The following CASZ1 variants were observed in gnomAD, a reference collection of about 807,000 sequenced individuals.
CASZ1 encodes the protein castor zinc finger 1.
CASZ1 carries 28 observed loss-of-function variants against 135.2 expected under a neutral mutation model. That is an observed-to-expected ratio of 0.21 (90% CI 0.15 to 0.28). CASZ1 has a LOEUF of 0.28. Among genes scored for constraint, CASZ1 ranks in the 10% least tolerant of loss-of-function variants. The pLI is 1.00. For synonymous variants in CASZ1, 1,068 were observed against 1,073.4 expected (o/e 0.99, Z 0.10); for missense variants, 2,161 against 2,453.3 (o/e 0.88, Z 2.52).
intron 4 of CASZ1, among the ~76,000 whole-genome samples, chr1:10,668,763 C>A (rs1643314831): frequency 6.6e-6 from 1 of 152,266 alleles, no homozygotes; most frequent in Non-Finnish European, 1.5e-5. Context: ...AGAAAGGCGG[C>A]CAGGCTGTTA....
In CASZ1 at chr1:10,700,317, T is replaced by C. The variant is rs1639036262; in HGVS notation, c.-24+5175A>G. 6.6e-6 allele frequency among the ~76,000 whole-genome samples: 1 copy of C among 152,256 alleles called. No individual in the cohort carries two copies. The highest frequency in any genetic ancestry group is 6.5e-5 in the Admixed American group (1 of 15,292). ...GTTTCTCTGGCTACTTCAGTTACCCTGTTGCTGCTGGTTCCTGCTCCAAGC... is the reference window on the plus strand; with the variant it reads ...GTTTCTCTGGCTACTTCAGTTACCCCGTTGCTGCTGGTTCCTGCTCCAAGC... On this transcript the variant is annotated intron_variant, in intron 3 of 20. Coordinates refer to ENST00000377022, the MANE Select transcript of CASZ1 (RefSeq NM_001079843.3). The surrounding 1 kb of genome is among the most constrained non-coding windows in gnomAD (Gnocchi z 4.2).
chr1:10,737,812 C>T (rs1038475805), intron 2 of CASZ1, among the ~76,000 whole-genome samples: 1 of 152,214 alleles, frequency 6.6e-6, no homozygotes, highest in African/African-American at 2.4e-5. Flanking sequence ...TGTGGATCAG[C>T]CCGGAGGCCC....
rs201406555 is a variant in CASZ1, at chr1:10,792,319, T to TCCCCCACCCCCC, written c.-234+4244_-234+4245insGGGGGGTGGGGG. 1.2e-4 allele frequency among the ~76,000 whole-genome samples: 2 copies of TCCCCCACCCCCC among 16,930 alleles called. 1 individual carries two copies. The highest frequency in any genetic ancestry group is 1.8e-4 in the Non-Finnish European group (2 of 11,220). 11.1% of individuals were successfully genotyped at this position (16,930 alleles called of 152,430 possible). On this transcript the variant is annotated intron_variant, in intron 1 of 20. Coordinates refer to ENST00000377022, the MANE Select transcript of CASZ1 (RefSeq NM_001079843.3). Reference sequence around the variant, plus strand: ...AAATGCTCTGTACATGGCTTACCCCTCCCCCCCGCCCCCCCCCCCCCGGCC... The same window carrying TCCCCCACCCCCC: ...AAATGCTCTGTACATGGCTTACCCCTCCCCCACCCCCCCCCCCCCGCCCCCCCCCCCCCGGCC...
In CASZ1 at chr1:10,646,440, A is replaced by AG. The variant is rs2124672244; in HGVS notation, c.3498-115dup. ...CCCCACGACCAGCGGTACCACCAAG[A>AG]GGGATGGCCTGGGCTGCTGTCCTGC... is the stretch of plus-strand genomic sequence containing the variant. On this transcript the variant is annotated intron_variant, in intron 16 of 20. Transcript: ENST00000377022. This position sits in a 1 kb window ranked among gnomAD's most constrained non-coding sequence, Gnocchi z 6.4. 2.1e-6 allele frequency: 2 copies of AG among 967,976 alleles called. No homozygotes were observed. The highest frequency in any genetic ancestry group is 5.2e-5 in the East Asian group (2 of 38,412). The allele number at this position is 967,976 out of a possible 1,614,324, so 60.0% of individuals were successfully genotyped here. A position where few individuals can be genotyped will look rare whatever the true frequency, so the allele number is the denominator to read the frequency against.
rs1640904137 is a variant in CASZ1 at position 10,788,839 on chromosome 1, A to G, written c.-234+7725T>C. Among the ~76,000 whole-genome samples, 1 of 152,192 alleles carries G rather than the reference A, an allele frequency of 6.6e-6. No individual in the cohort carries two copies. Among genetic ancestry groups the G allele is most frequent in the African/African-American group, 2.4e-5 (1 of 41,454 alleles). On this transcript the variant is annotated intron_variant, in intron 1 of 20. Transcript: ENST00000377022. The surrounding 1 kb of genome is among the most constrained non-coding windows in gnomAD (Gnocchi z 4.1). ...TGCCAGGGCTTCCTGCCCAGCCAGCAGAGGCATCGCACAGAGGAGCCCACC... is the reference window on the plus strand; with the variant it reads ...TGCCAGGGCTTCCTGCCCAGCCAGCGGAGGCATCGCACAGAGGAGCCCACC...
At chr1:10,792,204 G>T (rs1412587244) in intron 1 of CASZ1, among the ~76,000 whole-genome samples, 1 of 141,842 alleles carries the variant, frequency 7.1e-6, no homozygotes, top group Non-Finnish European at 1.5e-5. Context: ...ATTTCCTATA[G>T]CAGGGGTGGA....
Position 10,774,133 on chromosome 1 carries a change from C to T in CASZ1, c.-233-13276G>A, listed in dbSNP as rs1640621626. 6.6e-6 allele frequency among the ~76,000 whole-genome samples: 1 copy of T among 152,146 alleles called. No homozygotes were observed. Among genetic ancestry groups the T allele is most frequent in the Admixed American group, 6.5e-5 (1 of 15,284 alleles). On this transcript the variant is annotated intron_variant, in intron 1 of 20. Transcript: ENST00000377022. This position sits in a 1 kb window ranked among gnomAD's most constrained non-coding sequence, Gnocchi z 4.4. Reference sequence around the variant, plus strand: ...GGCCCACAAGGGGCACTGCACTAATCCTCTTTTCCCATTTCCGTCTGCTTG... The same window carrying T: ...GGCCCACAAGGGGCACTGCACTAATTCTCTTTTCCCATTTCCGTCTGCTTG...
In CASZ1 at chr1:10,788,162, G is replaced by A. The variant is rs1420933929; in HGVS notation, c.-234+8402C>T. On this transcript the variant is annotated intron_variant, in intron 1 of 20. Transcript: ENST00000377022. The surrounding 1 kb of genome is among the most constrained non-coding windows in gnomAD (Gnocchi z 4.1). The stretch of plus-strand genomic sequence containing the variant: ...CCAAGAGCTCTGCCATTAAGGGGAT[G>A]TATCCATTACTGTGGATAGGGGAAC... Among the ~76,000 whole-genome samples the A allele has an allele frequency of 2.0e-5, 3 of 152,196 alleles. No homozygotes were observed. Among genetic ancestry groups the A allele is most frequent in the African/African-American group, 7.2e-5 (3 of 41,462 alleles).
Position 10,647,981 on chromosome 1 carries a change from C to T in CASZ1, c.3317G>A (p.Ser1106Asn). The change falls in exon 16 of 21, where the codon AGC becomes AAC. Residue 1106 changes from serine to asparagine, a missense_variant. Transcript: ENST00000377022. The surrounding 1 kb of genome is among the most constrained non-coding windows in gnomAD (Gnocchi z 4.9). ...TVSSLEGPAPSPASVPSTPTL... is the reference protein window; with the variant it reads ...TVSSLEGPAPNPASVPSTPTL... ...GGGGGTGGAGGGCACGGAGGCCGGG[C>T]TGGGAGCGGGCCCCTCCAGAGAGGA... is the stretch of plus-strand genomic sequence containing the variant. 1 of 1,606,488 alleles carries T rather than the reference C, an allele frequency of 6.2e-7. No homozygotes were observed. Among genetic ancestry groups the T allele is most frequent in the Admixed American group, 1.7e-5 (1 of 59,554 alleles).
intron 5 of CASZ1, among the ~76,000 whole-genome samples, chr1:10,663,038 G>A (rs1018941869): frequency 1.3e-5 from 2 of 152,196 alleles, no homozygotes; most frequent in Non-Finnish European, 2.9e-5. Context: ...CTGCATCAGG[G>A]TTAGGTGCAC....
rs1369242231 is a variant in CASZ1, at chr1:10,701,680, T to C, written c.-24+3812A>G. On this transcript the variant is annotated intron_variant, in intron 3 of 20. Transcript: ENST00000377022. This position sits in a 1 kb window ranked among gnomAD's most constrained non-coding sequence, Gnocchi z 6.3. Reference sequence around the variant, plus strand: ...ATGTATTCAACCTGACATCCCATCTTGTCGTGAATGAAGACTCGGCCGATC... The same window carrying C: ...ATGTATTCAACCTGACATCCCATCTCGTCGTGAATGAAGACTCGGCCGATC... Among the ~76,000 whole-genome samples, 2 of 152,214 alleles carry C rather than the reference T, an allele frequency of 1.3e-5. No individual in the cohort carries two copies. The highest frequency in any genetic ancestry group is 2.9e-5 in the Non-Finnish European group (2 of 68,024).
intron 2 of CASZ1, among the ~76,000 whole-genome samples, chr1:10,754,720 G>A (rs372372151): frequency 2.6e-5 from 4 of 151,580 alleles, no homozygotes; most frequent in Non-Finnish European, 4.4e-5. Context: ...AGAGCAGCAC[G>A]GCGTGGGACT....
chr1:10,729,242 G>A (rs1639654099), intron 2 of CASZ1, among the ~76,000 whole-genome samples: 1 of 152,208 alleles, frequency 6.6e-6, no homozygotes, highest in African/African-American at 2.4e-5. Context: ...ACAGGCCTGC[G>A]CTGGCGCTAA....
Position 10,759,173 on chromosome 1 carries a change from T to G in CASZ1, c.-77+1528A>C, listed in dbSNP as rs538816656. ...TCTGCAGGCACTCACAGCCTCTTCATGGGCAGGGCACAGGGCAGGGCTGGG... is the reference window on the plus strand; with the variant it reads ...TCTGCAGGCACTCACAGCCTCTTCAGGGGCAGGGCACAGGGCAGGGCTGGG... On this transcript the variant is annotated intron_variant, in intron 2 of 20. Coordinates refer to ENST00000377022, the MANE Select transcript of CASZ1 (RefSeq NM_001079843.3). This position sits in a 1 kb window ranked among gnomAD's most constrained non-coding sequence, Gnocchi z 4.2. Among the ~76,000 whole-genome samples, 3 of 152,146 alleles carry G rather than the reference T, an allele frequency of 2.0e-5. No individual in the cohort carries two copies. The highest frequency in any genetic ancestry group is 4.8e-5 in the African/African-American group (2 of 41,434).
Position 10,647,424 on chromosome 1 carries a change from T to A in CASZ1, c.3497+377A>T, listed in dbSNP as rs1402506663. The A allele has an allele frequency of 2.7e-6, 3 of 1,128,350 alleles. No individual in the cohort carries two copies. In the African/African-American group the frequency reaches 4.9e-5, roughly 19 times the overall value. 69.9% of individuals were successfully genotyped at this position (1,128,350 alleles called of 1,614,324 possible). On this transcript the variant is annotated intron_variant, in intron 16 of 20. Transcript: ENST00000377022. This position sits in a 1 kb window ranked among gnomAD's most constrained non-coding sequence, Gnocchi z 4.9. ...TGCCCTGCAGAGATTCAGCCATGGG[T>A]GTGAGCCACAGAGGAGGCCAATACG... is the stretch of plus-strand genomic sequence containing the variant.
rs1557517583 is a variant in CASZ1 at position 10,700,070 on chromosome 1, G to GAT, written c.-24+5421_-24+5422insAT. Among the ~76,000 whole-genome samples the GAT allele has an allele frequency of 4.6e-5, 4 of 87,450 alleles. No individual in the cohort carries two copies. The East Asian group carries it at 8.6e-4, about 19-fold the overall frequency. The allele number at this position is 87,450 out of a possible 152,430, so 57.4% of individuals were successfully genotyped here. ...AGAGAAAGAGAGACAGAGAGAGAAAGAGAGATAGAGACACACACACACACA... is the reference window on the plus strand; with the variant it reads ...AGAGAAAGAGAGACAGAGAGAGAAAGATAGAGATAGAGACACACACACACACA... On this transcript the variant is annotated intron_variant, in intron 3 of 20. Coordinates refer to ENST00000377022, the MANE Select transcript of CASZ1 (RefSeq NM_001079843.3). The surrounding 1 kb of genome is among the most constrained non-coding windows in gnomAD (Gnocchi z 4.2).
intron 4 of CASZ1, among the ~76,000 whole-genome samples, chr1:10,687,144 C>T (rs541014115): frequency 1.3e-5 from 2 of 152,294 alleles, no homozygotes; most frequent in South Asian, 2.1e-4. Flanking sequence ...AAGCTCTGCC[C>T]GGCTCCTCCA....
chr1:10,765,226 TG>T (rs1248537279), intron 1 of CASZ1, among the ~76,000 whole-genome samples: 2 of 151,800 alleles, frequency 1.3e-5, no homozygotes, highest in South Asian at 2.1e-4. Flanking sequence ...GGGAAGACAC[TG>T]GGAAGTGGTA....
Position 10,694,584 on chromosome 1 carries a change from C to CCCGCCGCCGCCGCCGCCGCCGCCG in CASZ1, c.-23-696_-23-673dup, listed in dbSNP as rs1171158662. On this transcript the variant is annotated intron_variant, in intron 3 of 20. Transcript: ENST00000377022. This position sits in a 1 kb window ranked among gnomAD's most constrained non-coding sequence, Gnocchi z 6.6. ...GGCAGGTGAAAGAGCAGAGCGCGGCCCCGCCGCCGCCGCCGCCGCCGCCGC... is the reference window on the plus strand; with the variant it reads ...GGCAGGTGAAAGAGCAGAGCGCGGCCCCGCCGCCGCCGCCGCCGCCGCCGCCGCCGCCGCCGCCGCCGCCGCCGC... 3 of 137,422 alleles carry CCCGCCGCCGCCGCCGCCGCCGCCG rather than the reference C, an allele frequency of 2.2e-5. No homozygotes were observed. Among genetic ancestry groups the CCCGCCGCCGCCGCCGCCGCCGCCG allele is most frequent in the African/African-American group, 8.1e-5 (3 of 37,218 alleles). The allele number at this position is 137,422 out of a possible 1,614,324, so 8.5% of individuals were successfully genotyped here. A position where few individuals can be genotyped will look rare whatever the true frequency, so the allele number is the denominator to read the frequency against.
Sources: gnomAD v4.1 joint callset for allele counts (sites outside exome capture counted in the v4.1 genomes callset) on GRCh38, gnomAD v4.1.1 for gene constraint, Gnocchi (gnomAD v3.1) non-coding constraint, MANE v1.5 for transcripts, NCBI Gene and HGNC (gene_info 2026-07-23, HGNC 2026-07-21) for gene names.